KIAA0319L: variants seen among roughly 807,000 people sequenced by gnomAD.
The protein encoded by KIAA0319L is dyslexia-associated protein KIAA0319-like protein.
A neutral mutation model predicts 120.1 loss-of-function variants in KIAA0319L; 55 were observed. That is an observed-to-expected ratio of 0.46 (90% confidence interval 0.37 to 0.57). The LOEUF is 0.57. KIAA0319L is among the 20% of genes least tolerant of loss of function. The pLI is 0.00. For missense variants in KIAA0319L, 1,049 were observed against 1,255.3 expected (o/e 0.84, Z 2.48); for synonymous variants, 398 against 471.9 (o/e 0.84, Z 2.03).
At chr1:35,512,871 CAAAAAAAAAAAA>C (rs746942793) in intron 2 of KIAA0319L, among the ~76,000 whole-genome samples, 4 of 48,390 alleles carry the variant, frequency 8.3e-5, no homozygotes, top group Admixed American at 4.4e-4. Context: ...GACTCCATCT[CAAAAAAAAAAAA>C]AAAAAAAAAG....
chr1:35,528,203 T>A lies in KIAA0319L; in HGVS notation c.143-21068A>T, dbSNP rs557116151. On this transcript the variant is annotated intron_variant, in intron 2 of 20. Transcript: ENST00000325722. Reference sequence around the variant, plus strand: ...CCTGGGCTCAAGAGATCCTCTTGTCTCAGCCTCCTGAGTAGTTAGGACTAC... The same window carrying A: ...CCTGGGCTCAAGAGATCCTCTTGTCACAGCCTCCTGAGTAGTTAGGACTAC... Among the ~76,000 whole-genome samples, 104 of 152,346 alleles carry A rather than the reference T, an allele frequency of 6.8e-4. 1 individual carries two copies. Among genetic ancestry groups the A allele is most frequent in the African/African-American group, 2.5e-3 (103 of 41,576 alleles).
At position 35,453,747 on chromosome 1, in the gene KIAA0319L, A is replaced by C; in HGVS notation, c.1781-58T>G. ...CCAGTCCAGGTGGGAAAGGAGAGGA[A>C]CCAATTGGGACACATGTTCTGGAAG... On this transcript the variant is annotated intron_variant, in intron 11 of 20. Coordinates refer to ENST00000325722, the MANE Select transcript of KIAA0319L (RefSeq NM_024874.5). This position sits in a 1 kb window ranked among gnomAD's most constrained non-coding sequence, Gnocchi z 4.1. 2 of 1,533,184 alleles carry C rather than the reference A, an allele frequency of 1.3e-6. No individual in the cohort carries two copies. The highest frequency in any genetic ancestry group is 1.2e-5 in the South Asian group (1 of 84,744). 95.0% of individuals were successfully genotyped at this position (1,533,184 alleles called of 1,614,324 possible).
intron 3 of KIAA0319L, among the ~76,000 whole-genome samples, chr1:35,489,868 T>C (rs901079190): frequency 2.6e-5 from 4 of 151,974 alleles, no homozygotes; most frequent in Non-Finnish European, 4.4e-5. Flanking sequence ...GGTTTCACCA[T>C]GTTGGCCAGG....
Position 35,496,080 on chromosome 1 carries a change from C to G in KIAA0319L, c.666+10532G>C, listed in dbSNP as rs112607309. Among the ~76,000 whole-genome samples, 157 of 152,244 alleles carry G rather than the reference C, an allele frequency of 1.0e-3. 1 individual carries two copies. The highest frequency in any genetic ancestry group is 3.6e-3 in the African/African-American group (150 of 41,546). On this transcript the variant is annotated intron_variant, in intron 3 of 20. Coordinates refer to ENST00000325722, the MANE Select transcript of KIAA0319L (RefSeq NM_024874.5). ...ATCACGGAAATGTAAAATGGTACAA[C>G]CACTTTGGAAAACACTTGGGCAGTT...
intron 9 of KIAA0319L, among the ~76,000 whole-genome samples, chr1:35,458,598 C>A (rs978727939): frequency 1.3e-5 from 2 of 152,144 alleles, no homozygotes; most frequent in Non-Finnish European, 2.9e-5. Context: ...TAGAGTTAGA[C>A]TGTGTGACCT....
chr1:35,498,840 T>C (rs1387589776), intron 3 of KIAA0319L, among the ~76,000 whole-genome samples: 1 of 152,168 alleles, frequency 6.6e-6, no homozygotes, highest in Non-Finnish European at 1.5e-5. Flanking sequence ...TTTCAATACA[T>C]TTTGATTTGA....
chr1:35,498,337 G>C (rs1339094596), intron 3 of KIAA0319L, among the ~76,000 whole-genome samples: 1 of 139,044 alleles, frequency 7.2e-6, no homozygotes, highest in Non-Finnish European at 1.6e-5. Flanking sequence ...CCCATCTCGG[G>C]AAAAAAAAAA....
intron 2 of KIAA0319L, among the ~76,000 whole-genome samples, chr1:35,540,994 T>A (rs1033057074): frequency 2.6e-5 from 4 of 151,762 alleles, no homozygotes; most frequent in Non-Finnish European, 5.9e-5. Context: ...CGGGCTGGAG[T>A]GCAACAGCGT....
chr1:35,443,120 A>C (rs1258121061), intron 17 of KIAA0319L, 92 bp from the exon 18 acceptor site: 2 of 1,476,760 alleles, frequency 1.4e-6, no homozygotes, highest in East Asian at 4.6e-5. Flanking sequence ...AAAGCACCCC[A>C]GATTAATGCT....
chr1:35,555,225 A>G (rs916031345), intron 1 of KIAA0319L, among the ~76,000 whole-genome samples: 1 of 152,150 alleles, frequency 6.6e-6, no homozygotes, highest in Non-Finnish European at 1.5e-5. Flanking sequence ...ACTTTGCTAT[A>G]TTGTCTAAAT....
Position 35,451,586 on chromosome 1 carries a change from G to C in KIAA0319L, c.2062+42C>G, listed in dbSNP as rs370885389. ...GACAGGATAAATTCTTCAGCTATCT[G>C]ACCCTAAGAGGCTGCTACACAAACT... On this transcript the variant is annotated intron_variant, in intron 13 of 20. Coordinates refer to ENST00000325722, the MANE Select transcript of KIAA0319L (RefSeq NM_024874.5). The C allele has an allele frequency of 2.5e-6, 4 of 1,585,466 alleles. No individual in the cohort carries two copies. The African/African-American group carries it at 4.0e-5, about 16-fold the overall frequency.
At chr1:35,474,657 A>G in intron 5 of KIAA0319L, 148 bp downstream of exon 5, 1 of 531,326 alleles carries the variant, frequency 1.9e-6, no homozygotes, top group Non-Finnish European at 3.3e-6. Flanking sequence ...CAGGAGTGGT[A>G]GTGTATGCCA....
At chr1:35,445,016 T>C (rs1641513455) in intron 16 of KIAA0319L, among the ~76,000 whole-genome samples, 1 of 152,152 alleles carries the variant, frequency 6.6e-6, no homozygotes, top group African/African-American at 2.4e-5. Context: ...TTGAGCTCCA[T>C]GTGAGTTTTA....
intron 2 of KIAA0319L, among the ~76,000 whole-genome samples, chr1:35,524,155 G>A (rs531334326): frequency 1.3e-5 from 2 of 152,100 alleles, no homozygotes; most frequent in Admixed American, 6.6e-5. Flanking sequence ...ATTTAGACTC[G>A]GGGAAATAGT....
At chr1:35,467,692 C>G (rs1643360848) in intron 6 of KIAA0319L, among the ~76,000 whole-genome samples, 1 of 144,790 alleles carries the variant, frequency 6.9e-6, no homozygotes, top group Non-Finnish European at 1.5e-5. Context: ...ATCATACAAT[C>G]TTTTTTTTTT....
Position 35,434,839 on chromosome 1 carries a change from G to C in KIAA0319L, c.*55C>G, listed in dbSNP as rs1202468646. On this transcript the variant is annotated 3_prime_UTR_variant, in exon 21 of 21. Coordinates refer to ENST00000325722, the MANE Select transcript of KIAA0319L (RefSeq NM_024874.5). ...CAGCTGCCCGCAGACTCGGGAGGTA[G>C]GAGGACTGGCCGGGCAGTGTGCTGG... 1 of 1,494,434 alleles carries C rather than the reference G, an allele frequency of 6.7e-7. No individual in the cohort carries two copies. The highest frequency in any genetic ancestry group is 1.4e-5 in the African/African-American group (1 of 71,444). 92.6% of individuals were successfully genotyped at this position (1,494,434 alleles called of 1,614,324 possible).
chr1:35,435,124 A>C (rs10157108), intron 20 of KIAA0319L, 43 bp from the exon 21 acceptor site: 53,988 of 1,571,098 alleles, frequency 0.034, 5,250 homozygotes, highest in African/African-American at 0.29. Flanking sequence ...GACTGGCCTC[A>C]AGGCTGGAGC....
rs889162860 is a variant in KIAA0319L, at chr1:35,437,933, G to A, written c.2963-2852C>T. On this transcript the variant is annotated intron_variant, in intron 20 of 20. Transcript: ENST00000325722. This position sits in a 1 kb window ranked among gnomAD's most constrained non-coding sequence, Gnocchi z 4.1. The stretch of plus-strand genomic sequence containing the variant: ...ACAGCACTATCATTCTCCATCTCTC[G>A]GTTGGAAGTCAGCCCTGACCTTGCC... Among the ~76,000 whole-genome samples the A allele has an allele frequency of 5.3e-5, 8 of 152,040 alleles. No homozygotes were observed. Among genetic ancestry groups the A allele is most frequent in the African/African-American group, 1.9e-4 (8 of 41,404 alleles).
chr1:35,485,795 ATTTAT>A (rs1352979044), intron 3 of KIAA0319L, among the ~76,000 whole-genome samples: 1 of 151,722 alleles, frequency 6.6e-6, no homozygotes, highest in Non-Finnish European at 1.5e-5. Flanking sequence ...TGCTAGTGTT[ATTTAT>A]TTATTTTTTT....
Sources: gnomAD v4.1 joint callset for allele counts (sites outside exome capture counted in the v4.1 genomes callset) on GRCh38, gnomAD v4.1.1 for gene constraint, Gnocchi (gnomAD v3.1) non-coding constraint, MANE v1.5 for transcripts, NCBI Gene and HGNC (gene_info 2026-07-23, HGNC 2026-07-21) for gene names.